The following DRC12 variants were observed in gnomAD, a reference collection of about 807,000 sequenced individuals.
DRC12 encodes the protein dynein regulatory complex protein 12.
chr11:119,193,098 G>T, the DRC12 span: 1 of 1,462,296 alleles, frequency 6.8e-7, no homozygotes, highest in Non-Finnish European at 9.6e-7. Flanking sequence ...CCTTCATGCT[G>T]GCCCTTGCTG....
At chr11:119,193,375 T>C in the DRC12 span, 6 of 874,348 alleles carry the variant, frequency 6.9e-6, no homozygotes, top group Non-Finnish European at 8.9e-6. Flanking sequence ...TCTTGGTTCT[T>C]TTTGTGATTC....
the DRC12 span, chr11:119,195,126 G>A: frequency 1.3e-6 from 1 of 742,362 alleles, no homozygotes; most frequent in Non-Finnish European, 2.2e-6. Flanking sequence ...ATCCACAGTG[G>A]CAGAGTCTAC....
At chr11:119,190,502 G>T in the DRC12 span, 10 of 1,608,814 alleles carry the variant, frequency 6.2e-6, no homozygotes, top group South Asian at 1.1e-4. This position sits in a 1 kb window ranked among gnomAD's most constrained non-coding sequence, Gnocchi z 4.2. Context: ...GGGAAGGAGT[G>T]AGTGCTGCCC....
chr11:119,191,444 G>T, the DRC12 span, among the ~76,000 whole-genome samples: 2 of 152,040 alleles, frequency 1.3e-5, no homozygotes, highest in Non-Finnish European at 2.9e-5. Context: ...TCAGGGGCAT[G>T]CTGTGACCTT....
At chr11:119,195,643 C>T in the DRC12 span, 1 of 634,102 alleles carries the variant, frequency 1.6e-6, no homozygotes, top group East Asian at 2.7e-5. Flanking sequence ...TTTGGAACCT[C>T]AGACAGGGTT....
At chr11:119,193,643 A>G in the DRC12 span, 1 of 1,479,130 alleles carries the variant, frequency 6.8e-7, no homozygotes, top group Non-Finnish European at 9.0e-7. Context: ...TGTTTGGGAA[A>G]GACCAAGACC....
chr11:119,195,723 ACT>A, the DRC12 span: 4,146 of 499,022 alleles, frequency 8.3e-3, 142 homozygotes, highest in African/African-American at 0.075. Context: ...ATTCCTTGCA[ACT>A]CTCTTTTAGA....
chr11:119,191,486 G>A, the DRC12 span, among the ~76,000 whole-genome samples: 10 of 152,072 alleles, frequency 6.6e-5, 2 homozygotes, highest in South Asian at 2.1e-3. Context: ...AAAGCACCTA[G>A]CTAGTATACA....
At chr11:119,194,541 A>AAAAAAAAAAAAG in the DRC12 span, among the ~76,000 whole-genome samples, 23 of 66,000 alleles carry the variant, frequency 3.5e-4, 7 homozygotes, top group Admixed American at 4.3e-4. Flanking sequence ...AAAAAAAAAA[A>AAAAAAAAAAAAG]AAAATAAATA....
the DRC12 span, chr11:119,195,327 G>A: frequency 6.1e-5 from 70 of 1,141,854 alleles, no homozygotes; most frequent in East Asian, 1.8e-3. Flanking sequence ...GCTCCATCCT[G>A]TCCTGCAGAA....
chr11:119,192,329 T>C, the DRC12 span, among the ~76,000 whole-genome samples: 2 of 152,144 alleles, frequency 1.3e-5, no homozygotes, highest in African/African-American at 2.4e-5. Flanking sequence ...AAAGAGCTCA[T>C]GTGTCATGCT....
the DRC12 span, chr11:119,194,981 C>T: frequency 6.4e-7 from 1 of 1,551,446 alleles, no homozygotes; most frequent in Non-Finnish European, 8.7e-7. Context: ...TGGACTCGGC[C>T]ACCACATCTG....
At chr11:119,194,749 CTTCCT>C in the DRC12 span, among the ~76,000 whole-genome samples, 1 of 89,802 alleles carries the variant, frequency 1.1e-5, no homozygotes, top group African/African-American at 4.7e-5. Context: ...AAAAAAACAC[CTTCCT>C]TTATCAACTC....
chr11:119,192,378 G>A, the DRC12 span, among the ~76,000 whole-genome samples: 1 of 152,360 alleles, frequency 6.6e-6, no homozygotes, highest in Non-Finnish European at 1.5e-5. Flanking sequence ...AGAGACAAGA[G>A]AAGCAAAGGC....
the DRC12 span, among the ~76,000 whole-genome samples, chr11:119,192,924 G>T: frequency 1.3e-5 from 2 of 152,200 alleles, no homozygotes; most frequent in African/African-American, 4.8e-5. Flanking sequence ...GGGATTACAG[G>T]CCTGAGCCAC....
the DRC12 span, chr11:119,195,081 T>C: frequency 8.5e-7 from 1 of 1,171,258 alleles, no homozygotes; most frequent in Non-Finnish European, 1.2e-6. Flanking sequence ...CCCTGCACTT[T>C]TGCCACAGCA....
chr11:119,194,932 C>G, the DRC12 span: 10 of 1,551,496 alleles, frequency 6.4e-6, no homozygotes, highest in Non-Finnish European at 7.8e-6. Flanking sequence ...CCCAAGTGGT[C>G]TCGGAGCAGC....
chr11:119,193,795 GCCCCTT>G, the DRC12 span: 1 of 1,551,578 alleles, frequency 6.4e-7, no homozygotes, highest in East Asian at 2.4e-5. Context: ...TTCACTTCGG[GCCCCTT>G]CCAGCTCAGC....
At chr11:119,195,117 T>C in the DRC12 span, 3 of 784,088 alleles carry the variant, frequency 3.8e-6, no homozygotes, top group South Asian at 3.3e-5. Flanking sequence ...AAATGAGGTA[T>C]CCACAGTGGC....
Sources: gnomAD v4.1 joint callset for allele counts (sites outside exome capture counted in the v4.1 genomes callset) on GRCh38, gnomAD v4.1.1 for gene constraint, Gnocchi (gnomAD v3.1) non-coding constraint, MANE v1.5 for transcripts, NCBI Gene and HGNC (gene_info 2026-07-23, HGNC 2026-07-21) for gene names.